Variants in ITIH1 observed in about 807,000 individuals in gnomAD.
ITIH1 encodes inter-alpha-trypsin inhibitor heavy chain H1.
ITIH1 carries 94 observed loss-of-function variants against 104.6 expected under a neutral mutation model. The observed-to-expected ratio is 0.90, with a 90% CI of 0.76 to 1.07. The LOEUF (loss-of-function observed/expected upper bound fraction) is 1.07. Among genes scored for constraint, ITIH1 ranks in the 50% least tolerant of loss-of-function variants. The probability of loss-of-function intolerance (pLI) is 0.00; values close to 1 mark genes in which losing one functional copy is unlikely to be tolerated. For missense variants in ITIH1, 1,193 were observed against 1,181.4 expected (o/e 1.01, Z -0.14); for synonymous variants, 455 against 464.4 (o/e 0.98, Z 0.26).
intron 3 of ITIH1, 60 bp from the exon 4 acceptor site, chr3:52,778,882 C>G (rs1207715360): frequency 7.8e-7 from 1 of 1,289,094 alleles, no homozygotes; most frequent in Non-Finnish European, 1.1e-6. Flanking sequence ...GACAGGCCCT[C>G]TCAGGACCTG....
At position 52,790,779 on chromosome 3, in the gene ITIH1, C is replaced by T. The variant is rs1458557063; in HGVS notation, c.2352C>T (p.Asn784=). The change falls in exon 20 of 22, where the codon AAC becomes AAT. Residue 784 remains asparagine, a synonymous_variant. Transcript: ENST00000273283. The part of the protein sequence containing the change: ...GVVVTINKKR[N]LVVSVDDGGT... ...TGGTGACCATCAACAAGAAGAGGAA[C>T]CTGGTGGTGTCTGTGGACGACGGTG... 6.2e-7 allele frequency: 1 copy of T among 1,612,862 alleles called. No individual in the cohort carries two copies. The highest frequency in any genetic ancestry group is 1.3e-5 in the African/African-American group (1 of 74,986).
intron 8 of ITIH1, 70 bp from the exon 9 acceptor site, chr3:52,782,887 G>A (rs1388449886): frequency 1.4e-6 from 2 of 1,449,994 alleles, no homozygotes; most frequent in East Asian, 2.3e-5. Flanking sequence ...ATGGGTATTT[G>A]GAGTTGGAAG....
At chr3:52,781,210 TCTTCTTCTTCTTCTTCTTCTTCTTC>T (rs1699035402) in intron 6 of ITIH1, among the ~76,000 whole-genome samples, 2 of 21,248 alleles carry the variant, frequency 9.4e-5, no homozygotes, top group Admixed American at 6.1e-4. Flanking sequence ...TTTTTTTTTT[TCTTCTTCTTCTTCTTCTTCTTCTTC>T]TTCTTCTTCT....
rs746308424 is a variant in ITIH1 at position 52,787,080 on chromosome 3, C to A, written c.1869C>A (p.Thr623=). The A allele has an allele frequency of 6.2e-7, 1 of 1,614,214 alleles. No homozygotes were observed. Among genetic ancestry groups the A allele is most frequent in the Non-Finnish European group, 8.5e-7 (1 of 1,180,026 alleles). ...GMADQDGLKP[T]IDKPSEDSPP... is the part of the protein sequence containing the mutation. ...CGGACCAGGACGGCCTGAAGCCCAC[C>A]ATCGACAAGCCCTCAGAGGGTATAG... The change falls in exon 14 of 22, where the codon ACC becomes ACA. Residue 623 remains threonine, a synonymous_variant. Transcript: ENST00000273283.
chr3:52,778,148 G>T (rs774205684), intron 2 of ITIH1, 131 bp downstream of exon 2: 63 of 1,204,804 alleles, frequency 5.2e-5, no homozygotes, highest in Non-Finnish European at 7.6e-5. Context: ...CCTAGAAATG[G>T]GGACTTGTTC....
intron 6 of ITIH1, 68 bp from the exon 7 acceptor site, chr3:52,781,872 T>C (rs1015825858): frequency 1.5e-5 from 24 of 1,587,502 alleles, no homozygotes; most frequent in Non-Finnish European, 2.0e-5. Context: ...CCTTCTTATG[T>C]TGTCTTTGCA....
At chr3:52,788,578 T>C (rs1699266033) in intron 18 of ITIH1, among the ~76,000 whole-genome samples, 1 of 151,202 alleles carries the variant, frequency 6.6e-6, no homozygotes, top group African/African-American at 2.4e-5. Context: ...TTTTTTTTTC[T>C]GAGACAGAGT....
chr3:52,777,761 T>C (rs1483101829), intron 1 of ITIH1, 29 bp downstream of exon 1: 2 of 1,545,850 alleles, frequency 1.3e-6, no homozygotes, highest in African/African-American at 2.7e-5. Flanking sequence ...AGGGCAGAAA[T>C]AGGCAGCTGA....
chr3:52,787,660 G>T, intron 16 of ITIH1, 48 bp downstream of exon 16: 1 of 1,600,524 alleles, frequency 6.2e-7, no homozygotes, highest in Non-Finnish European at 8.6e-7. Flanking sequence ...CCTCCTTGAT[G>T]ATCACCCCGT....
chr3:52,779,900 C>T lies in ITIH1; in HGVS notation c.573+306C>T. On this transcript the variant is annotated intron_variant, in intron 5 of 21. Coordinates refer to ENST00000273283, the MANE Select transcript of ITIH1 (RefSeq NM_002215.4). This position sits in a 1 kb window ranked among gnomAD's most constrained non-coding sequence, Gnocchi z 4.4. ...CAGGTAATTTTGTAAACTAGAAAGT[C>T]CCGCGCAGCCTGAGGGCCTGGAATT... 1 of 1,382,414 alleles carries T rather than the reference C, an allele frequency of 7.2e-7. No individual in the cohort carries two copies. Among genetic ancestry groups the T allele is most frequent in the Non-Finnish European group, 9.4e-7 (1 of 1,067,494 alleles). The allele number at this position is 1,382,414 out of a possible 1,614,324, so 85.6% of individuals were successfully genotyped here.
chr3:52,783,026 G>A lies in ITIH1; in HGVS notation c.1000G>A (p.Gly334Arg). 1 of 1,614,052 alleles carries A rather than the reference G, an allele frequency of 6.2e-7. No individual in the cohort carries two copies. The highest frequency in any genetic ancestry group is 1.1e-5 in the South Asian group (1 of 91,068). ...PGDYFDLVLF[G>R]TRVQSWKGSL... ...GGACTACTTTGACCTGGTTCTTTTT[G>A]GGACTCGAGTACAATCGTGGAAGGG... Residue 334 changes from glycine to arginine, a missense_variant, in exon 9 of 22, where the codon GGG (glycine) becomes AGG (arginine). Physicochemically the swap from Gly to Arg is moderately radical, Grantham distance 125 (BLOSUM62 -2). Coordinates refer to ENST00000273283, the MANE Select transcript of ITIH1 (RefSeq NM_002215.4).
At chr3:52,787,341 C>T (rs891378682) in intron 15 of ITIH1, 139 bp downstream of exon 15, 37 of 1,284,454 alleles carry the variant, frequency 2.9e-5, no homozygotes, top group African/African-American at 1.3e-4. Context: ...TCCCCTGAGC[C>T]GCCCTTCTCC....
At chr3:52,781,290 T>TTCTTCTTCC (rs1699051166) in intron 6 of ITIH1, among the ~76,000 whole-genome samples, 1 of 71,772 alleles carries the variant, frequency 1.4e-5, no homozygotes, top group Non-Finnish European at 3.7e-5. Flanking sequence ...CTTCTTCCTC[T>TTCTTCTTCC]TCTTCTTCTT....
chr3:52,786,210 G>T (rs777037118), intron 12 of ITIH1, 85 bp from the exon 13 acceptor site: 2 of 1,394,924 alleles, frequency 1.4e-6, no homozygotes, highest in Non-Finnish European at 2.0e-6. Context: ...GATACCAGAC[G>T]AAATGGGCCC....
intron 11 of ITIH1, 64 bp downstream of exon 11, chr3:52,784,541 GTT>G: frequency 6.6e-7 from 1 of 1,516,944 alleles, no homozygotes; most frequent in South Asian, 1.2e-5. Flanking sequence ...CTTGGTGGCC[GTT>G]TGCCCATCAG....
rs1699362227 is a variant in ITIH1 at position 52,791,766 on chromosome 3, A to G, written c.2607-16A>G. On this transcript the variant is annotated splice_polypyrimidine_tract_variant and intron_variant, in intron 21 of 21. Coordinates refer to ENST00000273283, the MANE Select transcript of ITIH1 (RefSeq NM_002215.4). ...CTGGTCCGAAGGGTGACCCCAGCTGACTTGTCTCTGCACAGGGGTTTGCAA... is the reference window on the plus strand; with the variant it reads ...CTGGTCCGAAGGGTGACCCCAGCTGGCTTGTCTCTGCACAGGGGTTTGCAA... 6.2e-7 allele frequency: 1 copy of G among 1,610,180 alleles called. No individual in the cohort carries two copies. Among genetic ancestry groups the G allele is most frequent in the Non-Finnish European group, 8.5e-7 (1 of 1,177,924 alleles).
rs1270362685 is a variant in ITIH1 at position 52,790,754 on chromosome 3, T to C, written c.2327T>C (p.Val776Ala). The C allele has an allele frequency of 6.2e-7, 1 of 1,612,100 alleles. No individual in the cohort carries two copies. The highest frequency in any genetic ancestry group is 8.5e-7 in the Non-Finnish European group (1 of 1,179,280). Residue 776 changes from valine to alanine, a missense_variant, in exon 20 of 22, where the codon GTG (valine) becomes GCG (alanine). Physicochemically the swap from Val to Ala is moderately conservative, Grantham distance 64 (BLOSUM62 0). Coordinates refer to ENST00000273283, the MANE Select transcript of ITIH1 (RefSeq NM_002215.4). Reference sequence around the variant, plus strand: ...TCGGCCACCTGGCTCTGCAGGGTGGTGGTGACCATCAACAAGAAGAGGAAC... The same window carrying C: ...TCGGCCACCTGGCTCTGCAGGGTGGCGGTGACCATCAACAAGAAGAGGAAC... ...DQAVLRQDGV[V>A]VTINKKRNLV...
chr3:52,787,529 T>G (rs1699232831), intron 15 of ITIH1, 63 bp from the exon 16 acceptor site: 1 of 1,595,994 alleles, frequency 6.3e-7, no homozygotes. Context: ...CAGAGCTGCA[T>G]GCCTTTCGTG....
chr3:52,781,197 CTTT>C lies in ITIH1; in HGVS notation c.688-732_688-730del, dbSNP rs10526848. Among the ~76,000 whole-genome samples, 156 of 69,272 alleles carry C rather than the reference CTTT, an allele frequency of 2.3e-3. 7 individuals carry two copies. The highest frequency in any genetic ancestry group is 3.1e-3 in the South Asian group (8 of 2,566). The allele number at this position is 69,272 out of a possible 152,430, so 45.4% of individuals were successfully genotyped here. ...TCCTCCTCCTTCACCTCCTCCTCTT[CTTT>C]TTTTTTTTTTCTTCTTCTTCTTCTT... On this transcript the variant is annotated intron_variant, in intron 6 of 21. Transcript: ENST00000273283.
Sources: allele counts gnomAD v4.1 joint callset (sites outside exome capture counted in the v4.1 genomes callset), GRCh38; gene constraint gnomAD v4.1.1; non-coding constraint Gnocchi (gnomAD v3.1); transcripts MANE v1.5; gene names NCBI Gene and HGNC (gene_info 2026-07-23, HGNC 2026-07-21).